Variants in PCCA observed in about 807,000 individuals in gnomAD.
PCCA encodes the protein propionyl-CoA carboxylase alpha chain, mitochondrial.
PCCA carries 74 observed loss-of-function variants against 101.3 expected under a neutral mutation model. That is an observed-to-expected ratio of 0.73 (90% CI 0.61 to 0.89). The LOEUF is 0.89. PCCA is among the 40% of genes least tolerant of loss of function. PCCA has a pLI of 0.00. For missense variants in PCCA, 891 were observed against 907.0 expected (o/e 0.98, Z 0.23); for synonymous variants, 294 against 313.6 (o/e 0.94, Z 0.66).
At chr13:100,289,343 C>G (rs1368254563) in intron 12 of PCCA, among the ~76,000 whole-genome samples, 1 of 151,892 alleles carries the variant, frequency 6.6e-6, no homozygotes, top group African/African-American at 2.4e-5. Context: ...TAGATGGGGT[C>G]TCAACATATT....
intron 19 of PCCA, among the ~76,000 whole-genome samples, chr13:100,389,581 A>G (rs2076701859): frequency 6.6e-6 from 1 of 152,198 alleles, no homozygotes; most frequent in African/African-American, 2.4e-5. Context: ...ACACAAGTGT[A>G]CCTATGTAAC....
At chr13:100,114,771 A>G (rs1203294878) in intron 4 of PCCA, among the ~76,000 whole-genome samples, 1 of 152,242 alleles carries the variant, frequency 6.6e-6, no homozygotes, top group Admixed American at 6.5e-5. Flanking sequence ...TATCCAAAAG[A>G]CATAACGAGT....
intron 6 of PCCA, among the ~76,000 whole-genome samples, chr13:100,180,523 A>G (rs1197024067): frequency 1.3e-5 from 2 of 152,232 alleles, no homozygotes; most frequent in Non-Finnish European, 2.9e-5. Context: ...AAGACAACCC[A>G]TGGGAACCAT....
At chr13:100,435,039 C>T (rs942418221) in intron 20 of PCCA, among the ~76,000 whole-genome samples, 15 of 152,158 alleles carry the variant, frequency 9.9e-5, no homozygotes, top group Non-Finnish European at 1.9e-4. Flanking sequence ...TGTTGCTGAA[C>T]CCCTGTGATT....
At chr13:100,410,274 C>T (rs1278868231) in intron 19 of PCCA, among the ~76,000 whole-genome samples, 5 of 152,002 alleles carry the variant, frequency 3.3e-5, no homozygotes, top group East Asian at 3.9e-4. Context: ...GACGGAGTCT[C>T]GCTCTGTCCC....
At chr13:100,347,090 T>C (rs1356113980) in intron 18 of PCCA, among the ~76,000 whole-genome samples, 1 of 152,182 alleles carries the variant, frequency 6.6e-6, no homozygotes, top group Non-Finnish European at 1.5e-5. Context: ...TTAGCCAGGA[T>C]GGTCACGATC....
intron 12 of PCCA, among the ~76,000 whole-genome samples, chr13:100,285,674 C>T (rs149174003): frequency 1.8e-4 from 28 of 152,278 alleles, no homozygotes; most frequent in African/African-American, 6.5e-4. Flanking sequence ...GTTTCAAATA[C>T]GCACGTGTGT....
intron 4 of PCCA, chr13:100,154,564 T>G: frequency 3.5e-6 from 1 of 284,302 alleles, no homozygotes; most frequent in Non-Finnish European, 6.7e-6. Flanking sequence ...ATTCAGTCCC[T>G]CTAATTATCC....
intron 4 of PCCA, among the ~76,000 whole-genome samples, chr13:100,123,822 A>G (rs1435819896): frequency 2.0e-5 from 3 of 152,176 alleles, no homozygotes; most frequent in Non-Finnish European, 4.4e-5. Flanking sequence ...TTGAGTTGTT[A>G]AAGAGGGTCT....
chr13:100,112,177 G>C, intron 4 of PCCA, 116 bp downstream of exon 4: 1 of 692,950 alleles, frequency 1.4e-6, no homozygotes, highest in Non-Finnish European at 2.5e-6. Flanking sequence ...TTTAAAAACT[G>C]TTTACTTGTT....
At chr13:100,216,083 C>T (rs1433032733) in intron 7 of PCCA, among the ~76,000 whole-genome samples, 1 of 151,760 alleles carries the variant, frequency 6.6e-6, no homozygotes, top group Admixed American at 6.6e-5. Context: ...CTCCCCTTCC[C>T]CTTCCCCTCT....
Position 100,357,817 on chromosome 13 carries a change from G to A in PCCA, c.1644-10655G>A, listed in dbSNP as rs544267704. ...GTCTCAGAGAATGATGTTCAGTGTT[G>A]TCAGAACTGCTGGAAATTAAGCAGG... On this transcript the variant is annotated intron_variant, in intron 18 of 23. Coordinates refer to ENST00000376285, the MANE Select transcript of PCCA (RefSeq NM_000282.4). Among the ~76,000 whole-genome samples the A allele has an allele frequency of 3.9e-5, 6 of 152,272 alleles. No homozygotes were observed. The East Asian group carries it at 7.7e-4, about 20-fold the overall frequency.
intron 2 of PCCA, chr13:100,104,442 G>T (rs532742332): frequency 2.0e-5 from 3 of 152,082 alleles, no homozygotes; most frequent in Non-Finnish European, 4.4e-5. Flanking sequence ...TTTTTCTCAT[G>T]ACAGTGAGTT....
chr13:100,374,989 C>T (rs772643723), intron 19 of PCCA, among the ~76,000 whole-genome samples: 19 of 152,138 alleles, frequency 1.2e-4, no homozygotes, highest in Non-Finnish European at 2.2e-4. Context: ...TTCCTCCTTT[C>T]TCCTGTGGGC....
intron 21 of PCCA, among the ~76,000 whole-genome samples, chr13:100,496,949 G>A (rs1255625384): frequency 1.3e-5 from 2 of 152,224 alleles, no homozygotes; most frequent in Non-Finnish European, 1.5e-5. Flanking sequence ...GGCAGCTTGA[G>A]TTCTAGGATG....
rs376524395 is a variant in PCCA at position 100,493,938 on chromosome 13, C to G, written c.1900-21489C>G. Among the ~76,000 whole-genome samples the G allele has an allele frequency of 9.8e-5, 15 of 152,308 alleles. No homozygotes were observed. In the South Asian group the frequency reaches 2.9e-3, roughly 29 times the overall value. The stretch of plus-strand genomic sequence containing the variant: ...GGGCGCGGTGGCTCACGCCTGTAAT[C>G]TCAGCACTTTGGGAGGCCGAGGTGG... On this transcript the variant is annotated intron_variant, in intron 21 of 23. Coordinates refer to ENST00000376285, the MANE Select transcript of PCCA (RefSeq NM_000282.4).
At chr13:100,282,345 G>A (rs960415397) in intron 12 of PCCA, among the ~76,000 whole-genome samples, 10 of 152,240 alleles carry the variant, frequency 6.6e-5, no homozygotes, top group South Asian at 4.1e-4. Context: ...CAACTTTGGC[G>A]GCACTTGAGG....
At position 100,394,453 on chromosome 13, in the gene PCCA, ATC is replaced by A. The variant is rs2076954798; in HGVS notation, c.1746+25880_1746+25881del. Among the ~76,000 whole-genome samples, 1 of 152,180 alleles carries A rather than the reference ATC, an allele frequency of 6.6e-6. No homozygotes were observed. Among genetic ancestry groups the A allele is most frequent in the South Asian group, 2.1e-4 (1 of 4,820 alleles). On this transcript the variant is annotated intron_variant, in intron 19 of 23. Transcript: ENST00000376285. The surrounding 1 kb of genome is among the most constrained non-coding windows in gnomAD (Gnocchi z 4.3). ...CTGTGGAATGGATCTCTGTCAGACT[ATC>A]ACAGCAGCTGTGTGTTTGCAGATTT... is the stretch of plus-strand genomic sequence containing the variant.
At chr13:100,399,081 GCTTT>G (rs1224677575) in intron 19 of PCCA, among the ~76,000 whole-genome samples, 1 of 151,964 alleles carries the variant, frequency 6.6e-6, no homozygotes, top group Non-Finnish European at 1.5e-5. Context: ...TGTTAAATAT[GCTTT>G]GCCTATTTAT....
Sources: gnomAD v4.1 joint callset for allele counts (sites outside exome capture counted in the v4.1 genomes callset) on GRCh38, gnomAD v4.1.1 for gene constraint, Gnocchi (gnomAD v3.1) non-coding constraint, MANE v1.5 for transcripts, NCBI Gene and HGNC (gene_info 2026-07-23, HGNC 2026-07-21) for gene names.